Variants in COPZ2 observed in about 807,000 individuals in gnomAD.
The protein encoded by COPZ2 is coat protein complex I subunit zeta 2, also known as coatomer subunit zeta-2.
COPZ2 carries 30 observed loss-of-function variants against 33.2 expected under a neutral mutation model. The ratio of observed to expected loss-of-function variants is 0.90; its 90% confidence interval spans 0.68 to 1.23. The LOEUF (loss-of-function observed/expected upper bound fraction) is 1.23. Ranked by LOEUF, COPZ2 falls within the 50% of genes most tolerant of loss-of-function variation. COPZ2 has a pLI of 0.00. For missense variants in COPZ2, 263 were observed against 262.4 expected (o/e 1.00, Z -0.02); for synonymous variants, 89 against 102.6 (o/e 0.87, Z 0.80).
the COPZ2 span, chr17:48,047,634 C>G: frequency 1.0e-5 from 1 of 97,704 alleles, no homozygotes; most frequent in Non-Finnish European, 2.0e-5. Flanking sequence ...CCTCTCACAC[C>G]GCCAACGTTC....
intron 6 of COPZ2, among the ~76,000 whole-genome samples, chr17:48,031,168 A>G (rs986709209): frequency 2.6e-5 from 4 of 152,148 alleles, no homozygotes; most frequent in Middle Eastern, 3.2e-3. Flanking sequence ...AGAAATTTCT[A>G]TTGGCCGGGG....
chr17:48,026,393 G>A lies in COPZ2; in HGVS notation c.*35C>T. The A allele has an allele frequency of 1.3e-6, 2 of 1,566,478 alleles. No homozygotes were observed. Among genetic ancestry groups the A allele is most frequent in the Non-Finnish European group, 1.8e-6 (2 of 1,136,756 alleles). On this transcript the variant is annotated 3_prime_UTR_variant, in exon 9 of 9. Coordinates refer to ENST00000621465, the MANE Select transcript of COPZ2 (RefSeq NM_016429.4). ...GGGCTTTTGCCAGGATTGGGGAAAT[G>A]ATCTGGGGGGCAGGGAGCCTTGAAT... is the stretch of plus-strand genomic sequence containing the variant.
At chr17:48,026,546 G>A in intron 8 of COPZ2, 71 bp from the exon 9 acceptor site, 1 of 1,161,510 alleles carries the variant, frequency 8.6e-7, no homozygotes, top group Non-Finnish European at 1.3e-6. Flanking sequence ...TCATGGGGAG[G>A]TCCACAGCCC....
chr17:48,026,187 GT>G lies in COPZ2; in HGVS notation c.*240del. ...GACCCTTGGCAGAAGACAAAAGCAGGTTTATTAGGGCCCTGGGGCCAGGAAT... is the reference window on the plus strand; with the variant it reads ...GACCCTTGGCAGAAGACAAAAGCAGGTTATTAGGGCCCTGGGGCCAGGAAT... On this transcript the variant is annotated 3_prime_UTR_variant, in exon 9 of 9. Coordinates refer to ENST00000621465, the MANE Select transcript of COPZ2 (RefSeq NM_016429.4). 1 of 529,774 alleles carries G rather than the reference GT, an allele frequency of 1.9e-6. No individual in the cohort carries two copies. Among genetic ancestry groups the G allele is most frequent in the Non-Finnish European group, 3.3e-6 (1 of 299,300 alleles). 32.8% of individuals were successfully genotyped at this position (529,774 alleles called of 1,614,324 possible).
the COPZ2 span, chr17:48,047,632 ACCGCCAACGTT>A: frequency 0.21 from 31,028 of 151,196 alleles, 4,007 homozygotes; most frequent in African/African-American, 0.36. Flanking sequence ...CACCTCTCAC[ACCGCCAACGTT>A]CCGCCAACGT....
At position 48,032,700 on chromosome 17, in the gene COPZ2, C is replaced by G; in HGVS notation, c.402G>C (p.Leu134=). 6.3e-7 allele frequency: 1 copy of G among 1,592,822 alleles called. No individual in the cohort carries two copies. The highest frequency in any genetic ancestry group is 1.1e-5 in the South Asian group (1 of 87,108). Residue 134 remains leucine, a synonymous_variant, in exon 5 of 9, where the codon CTG becomes CTC. Transcript: ENST00000621465. ...ACCTCACTCACCTTAACATGTGGTT[C>G]AGAGACTCAAACAGGCAGGTGAGAA... ...MSVLTCLFES[L]NHMLRKNVEK...
intron 6 of COPZ2, chr17:48,029,403 C>A: frequency 1.7e-6 from 1 of 605,146 alleles, no homozygotes; most frequent in Non-Finnish European, 2.9e-6. Flanking sequence ...CTTTGTCATC[C>A]CTGGGCAAAA....
rs188355259 is a variant in COPZ2 at position 48,029,176 on chromosome 17, A to G, written c.495T>C (p.Gly165=). The G allele has an allele frequency of 1.3e-6, 2 of 1,573,044 alleles. No homozygotes were observed. Among genetic ancestry groups the G allele is most frequent in the South Asian group, 2.3e-5 (2 of 85,256 alleles). Residue 165 remains glycine, a splice_region_variant and synonymous_variant, in exon 7 of 9, where the codon GGT becomes GGC. Coordinates refer to ENST00000621465, the MANE Select transcript of COPZ2 (RefSeq NM_016429.4). ...GCTGGGGGTCACTCTCCAGAATCAC[A>G]CTACAAGATGAGAGGAAAAACCAGG... is the stretch of plus-strand genomic sequence containing the variant. ...FLVLDEIVDG[G]VILESDPQQV... is the part of the protein sequence containing the mutation.
Position 48,037,214 on chromosome 17 carries a change from G to C in COPZ2, c.112-289C>G, listed in dbSNP as rs536388023. 6.3e-5 allele frequency: 41 copies of C among 654,280 alleles called. No homozygotes were observed. Among genetic ancestry groups the C allele is most frequent in the Admixed American group, 1.8e-4 (9 of 48,872 alleles). 40.5% of individuals were successfully genotyped at this position (654,280 alleles called of 1,614,324 possible). On this transcript the variant is annotated intron_variant, in intron 1 of 8. Coordinates refer to ENST00000621465, the MANE Select transcript of COPZ2 (RefSeq NM_016429.4). This position sits in a 1 kb window ranked among gnomAD's most constrained non-coding sequence, Gnocchi z 5.6. Reference sequence around the variant, plus strand: ...CACTGACTGCTCCAGAGCCCGAGTCGGAGTGTATCACAGAACCTGGGCCGG... The same window carrying C: ...CACTGACTGCTCCAGAGCCCGAGTCCGAGTGTATCACAGAACCTGGGCCGG...
chr17:48,042,112 A>C (rs763521735), upstream of COPZ2, among the ~76,000 whole-genome samples: 4 of 151,986 alleles, frequency 2.6e-5, no homozygotes, highest in Non-Finnish European at 2.9e-5. Context: ...CACATCTATC[A>C]CTGTTGTTGC....
chr17:48,032,825 G>T, intron 4 of COPZ2, 84 bp from the exon 5 acceptor site: 2 of 1,113,424 alleles, frequency 1.8e-6, no homozygotes, highest in Non-Finnish European at 2.7e-6. Flanking sequence ...CACCTGTGCG[G>T]GCAGCAATGG....
chr17:48,033,869 T>G lies in COPZ2; in HGVS notation c.262A>C (p.Thr88Pro). Residue 88 changes from threonine to proline, a missense_variant, in exon 3 of 9, where the codon ACT becomes CCT. Coordinates refer to ENST00000621465, the MANE Select transcript of COPZ2 (RefSeq NM_016429.4). ...GGAAGAGGGGGACACTTACTCTCAG[T>G]CCGGCTGGTCTTGTTGAAGACATTT... is the stretch of plus-strand genomic sequence containing the variant. ...EKNVFNKTSRTESEIAFFGGM... is the reference protein window; with the variant it reads ...EKNVFNKTSRPESEIAFFGGM... 1 of 1,607,424 alleles carries G rather than the reference T, an allele frequency of 6.2e-7. No individual in the cohort carries two copies. Among genetic ancestry groups the G allele is most frequent in the Non-Finnish European group, 8.5e-7 (1 of 1,176,040 alleles).
upstream of COPZ2, among the ~76,000 whole-genome samples, chr17:48,038,451 C>G (rs1180852422): frequency 6.8e-6 from 1 of 147,584 alleles, no homozygotes; most frequent in African/African-American, 2.4e-5. Flanking sequence ...CTAAGTCTAA[C>G]TAAGACAAGC....
At chr17:48,035,402 A>C (rs1049825838) in intron 2 of COPZ2, among the ~76,000 whole-genome samples, 18 of 152,052 alleles carry the variant, frequency 1.2e-4, no homozygotes, top group African/African-American at 4.1e-4. Flanking sequence ...ACAAACAGAA[A>C]ATCTATTTTT....
At chr17:48,036,994 G>T in intron 1 of COPZ2, 69 bp from the exon 2 acceptor site, 2 of 1,361,848 alleles carry the variant, frequency 1.5e-6, no homozygotes, top group African/African-American at 1.4e-5. Context: ...TATGGGATCT[G>T]CTGGCCCTAG....
chr17:48,037,109 C>T lies in COPZ2; in HGVS notation c.112-184G>A. The T allele has an allele frequency of 1.3e-6, 1 of 771,578 alleles. No individual in the cohort carries two copies. The highest frequency in any genetic ancestry group is 1.4e-5 in the South Asian group (1 of 72,250). 47.8% of individuals were successfully genotyped at this position (771,578 alleles called of 1,614,324 possible). On this transcript the variant is annotated intron_variant, in intron 1 of 8. Transcript: ENST00000621465. This position sits in a 1 kb window ranked among gnomAD's most constrained non-coding sequence, Gnocchi z 5.6. The stretch of plus-strand genomic sequence containing the variant: ...CCCAGGTGCCCACTCCACTCCCAGG[C>T]AGATGTTCCACTGCAGGCCCCGAGT...
chr17:48,045,819 T>A, the COPZ2 span: 1 of 140,738 alleles, frequency 7.1e-6, no homozygotes, highest in African/African-American at 2.6e-5. Flanking sequence ...TTAACAGCTG[T>A]CCCAGGCAAA....
chr17:48,033,856 CACTT>C lies in COPZ2; in HGVS notation c.268+3_268+6del. ...ATAGTCTGCTGGAGGAAGAGGGGGA[CACTT>C]ACTCTCAGTCCGGCTGGTCTTGTTG... On this transcript the variant is annotated splice_donor_5th_base_variant and intron_variant, in intron 3 of 8. Transcript: ENST00000621465. The C allele has an allele frequency of 1.3e-6, 2 of 1,598,346 alleles. No individual in the cohort carries two copies. Among genetic ancestry groups the C allele is most frequent in the Non-Finnish European group, 1.7e-6 (2 of 1,169,318 alleles).
intron 7 of COPZ2, 61 bp downstream of exon 7, chr17:48,029,064 C>T (rs2036854980): frequency 1.4e-6 from 2 of 1,480,380 alleles, no homozygotes; most frequent in South Asian, 2.4e-5. Flanking sequence ...CCTAGCAGCC[C>T]TATTCCCAGG....
Sources: gnomAD v4.1 joint callset for allele counts (sites outside exome capture counted in the v4.1 genomes callset) on GRCh38, gnomAD v4.1.1 for gene constraint, Gnocchi (gnomAD v3.1) non-coding constraint, MANE v1.5 for transcripts, NCBI Gene and HGNC (gene_info 2026-07-23, HGNC 2026-07-21) for gene names.